RAB5B: variants seen among roughly 807,000 people sequenced by gnomAD.
RAB5B encodes RAB5B, member RAS oncogene family, also known as ras-related protein Rab-5B.
Under a neutral mutation model 28.6 loss-of-function variants are expected in RAB5B, and 11 were observed. That is an observed-to-expected ratio of 0.38 (90% CI 0.24 to 0.64). The LOEUF (loss-of-function observed/expected upper bound fraction) is 0.64, where lower values mean the gene tolerates loss of function less well. RAB5B is among the 30% of genes least tolerant of loss of function. The pLI, the probability that RAB5B is intolerant of heterozygous loss-of-function variation, is 0.53. For missense variants in RAB5B, 169 were observed against 265.6 expected, an observed-to-expected ratio of 0.64 and a Z score of 2.53; for synonymous variants, 93 against 97.9, an observed-to-expected ratio of 0.95 and a Z score of 0.29.
chr12:55,976,880 C>G (rs1889659830), intron 1 of RAB5B, among the ~76,000 whole-genome samples: 1 of 152,162 alleles, frequency 6.6e-6, no homozygotes, highest in South Asian at 2.1e-4. Flanking sequence ...CTCTGTTGTA[C>G]CCAGCCTTTG....
At chr12:55,980,855 T>G in intron 1 of RAB5B, 6 of 1,607,766 alleles carry the variant, frequency 3.7e-6, no homozygotes, top group African/African-American at 1.3e-5. Flanking sequence ...GTCCCAGACT[T>G]GTAGTTTGAT....
chr12:55,980,681 A>C, intron 1 of RAB5B: 1 of 1,590,352 alleles, frequency 6.3e-7, no homozygotes, highest in South Asian at 1.1e-5. Flanking sequence ...GTTCCCTAGC[A>C]AGAGGTGCTC....
intron 1 of RAB5B, among the ~76,000 whole-genome samples, chr12:55,977,240 A>G (rs1338013209): frequency 2.6e-5 from 4 of 151,856 alleles, no homozygotes; most frequent in Non-Finnish European, 5.9e-5. Context: ...CTCCCAAAGC[A>G]CTGGGATTAC....
intron 1 of RAB5B, among the ~76,000 whole-genome samples, chr12:55,975,342 C>G (rs1889615794): frequency 6.6e-6 from 1 of 152,088 alleles, no homozygotes; most frequent in South Asian, 2.1e-4. Flanking sequence ...GTGAGAAATT[C>G]CATTTCAAAA....
intron 1 of RAB5B, among the ~76,000 whole-genome samples, chr12:55,984,091 G>T (rs968298034): frequency 6.6e-6 from 1 of 150,774 alleles, no homozygotes; most frequent in African/African-American, 2.4e-5. Context: ...GCACGATCTC[G>T]GCTCACTGCA....
In RAB5B at chr12:55,991,408, TC is replaced by T; in HGVS notation, c.488del (p.Ser163Ter). ...DDNSLLFMET[S>X]AKTAMNVNDL... ...CAACAGCTTATTGTTCATGGAGACT[TC>T]AGCCAAGACAGCTATGAACGTGAAT... is the stretch of plus-strand genomic sequence containing the variant. On this transcript the variant is annotated frameshift_variant, in exon 5 of 6. Transcript: ENST00000360299. LOFTEE classifies it high-confidence loss of function. 1 of 1,614,144 alleles carries T rather than the reference TC, an allele frequency of 6.2e-7. No homozygotes were observed. Among genetic ancestry groups the T allele is most frequent in the Non-Finnish European group, 8.5e-7 (1 of 1,179,988 alleles).
intron 1 of RAB5B, 119 bp from the exon 2 acceptor site, chr12:55,986,750 C>G: frequency 1.7e-6 from 1 of 586,282 alleles, no homozygotes; most frequent in East Asian, 2.9e-5. Context: ...CTGCCTGGGA[C>G]CTTCTCAGAG....
intron 5 of RAB5B, chr12:55,991,800 A>G: frequency 2.4e-6 from 1 of 413,240 alleles, no homozygotes; most frequent in Non-Finnish European, 4.5e-6. Flanking sequence ...GGTGGCGCAC[A>G]CCTGTAGTCC....
Position 55,996,175 on chromosome 12 carries a change from C to T in RAB5B, c.*3963C>T, listed in dbSNP as rs941723903. 3.3e-5 allele frequency: 5 copies of T among 151,292 alleles called. No individual in the cohort carries two copies. The highest frequency in any genetic ancestry group is 1.2e-4 in the African/African-American group (5 of 41,020). The allele number at this position is 151,292 out of a possible 1,614,324, so 9.4% of individuals were successfully genotyped here. ...TATCTCTTGGTAATACCCCCCACCC[C>T]CGTTCCCTGATTCCTGGTAAAAGCT... On this transcript the variant is annotated 3_prime_UTR_variant, in exon 6 of 6. Transcript: ENST00000360299.
intron 1 of RAB5B, among the ~76,000 whole-genome samples, chr12:55,984,864 CTTA>C (rs556269424): frequency 6.6e-6 from 1 of 152,278 alleles, no homozygotes; most frequent in Non-Finnish European, 1.5e-5. Flanking sequence ...ACATCTTTCA[CTTA>C]TTATTTGTAG....
At chr12:55,984,106 C>A (rs540854370) in intron 1 of RAB5B, among the ~76,000 whole-genome samples, 4 of 152,004 alleles carry the variant, frequency 2.6e-5, no homozygotes, top group Non-Finnish European at 5.9e-5. Flanking sequence ...ACTGCAACCT[C>A]CGCCTCCCGG....
At chr12:55,980,851 G>C in intron 1 of RAB5B, 1 of 1,607,548 alleles carries the variant, frequency 6.2e-7, no homozygotes, top group Non-Finnish European at 8.5e-7. Context: ...CTGTGTCCCA[G>C]ACTTGTAGTT....
intron 5 of RAB5B, chr12:55,991,795 C>T (rs11611029): frequency 0.38 from 155,022 of 404,472 alleles, 32,770 homozygotes; most frequent in Middle Eastern, 0.48. Flanking sequence ...GGCGTGGTGG[C>T]GCACACCTGT....
intron 1 of RAB5B, among the ~76,000 whole-genome samples, chr12:55,978,791 G>C: frequency 1.5e-5 from 1 of 67,610 alleles, no homozygotes; most frequent in East Asian, 5.0e-4. Context: ...TTTTTTTTTT[G>C]AGACGGATTC....
At chr12:55,980,462 G>C (rs1028951322) in intron 1 of RAB5B, 6 of 1,592,400 alleles carry the variant, frequency 3.8e-6, no homozygotes, top group African/African-American at 1.3e-5. Flanking sequence ...TATGTCACAA[G>C]TTTTCAGGTC....
At chr12:55,985,110 G>C (rs569995890) in intron 1 of RAB5B, among the ~76,000 whole-genome samples, 172 of 152,320 alleles carry the variant, frequency 1.1e-3, no homozygotes, top group Middle Eastern at 3.4e-3. Flanking sequence ...TTTTACAGAT[G>C]AGGAAATGAA....
rs1004982631 is a variant in RAB5B at position 55,994,369 on chromosome 12, TC to T, written c.*2161del. The T allele has an allele frequency of 1.3e-5, 2 of 150,718 alleles. No homozygotes were observed. The highest frequency in any genetic ancestry group is 4.9e-5 in the African/African-American group (2 of 40,842). The allele number at this position is 150,718 out of a possible 1,614,324, so 9.3% of individuals were successfully genotyped here. On this transcript the variant is annotated 3_prime_UTR_variant, in exon 6 of 6. Transcript: ENST00000360299. The stretch of plus-strand genomic sequence containing the variant: ...ATTATCTTGGGCCTGGGAAACCACT[TC>T]CCCAGGCTTCTCCCTCCCCCCACCC...
Position 55,995,981 on chromosome 12 carries a change from A to T in RAB5B, c.*3769A>T. The T allele has an allele frequency of 9.1e-6, 1 of 109,604 alleles. No individual in the cohort carries two copies. The highest frequency in any genetic ancestry group is 1.8e-5 in the Non-Finnish European group (1 of 55,128). 6.8% of individuals were successfully genotyped at this position (109,604 alleles called of 1,614,324 possible). A position where few individuals can be genotyped will look rare whatever the true frequency, so the allele number is the denominator to read the frequency against. ...TCACTCTCTCTCTCTCCATATATAT[A>T]TACATATATATATATATATATATTT... On this transcript the variant is annotated 3_prime_UTR_variant, in exon 6 of 6. Coordinates refer to ENST00000360299, the MANE Select transcript of RAB5B (RefSeq NM_002868.4).
At position 55,987,123 on chromosome 12, in the gene RAB5B, G is replaced by T. The variant is rs1299292506; in HGVS notation, c.163G>T (p.Ala55Ser). 7 of 1,612,980 alleles carry T rather than the reference G, an allele frequency of 4.3e-6. No homozygotes were observed. Among genetic ancestry groups the T allele is most frequent in the Non-Finnish European group, 5.9e-6 (7 of 1,179,170 alleles). The stretch of plus-strand genomic sequence containing the variant: ...TGAGTACCAGGAGAGCACCATTGGA[G>T]GTGAGTGCCTTGGGGTAATAGGAGA... ...FHEYQESTIG[A>S]AFLTQSVCLD... The change falls in exon 2 of 6, where the codon GCG (alanine) becomes TCG (serine). Residue 55 changes from alanine to serine, a missense_variant and splice_region_variant. Ala to Ser is a moderately conservative substitution (Grantham distance 99). Around this residue, in one of 3 missense-constraint regions of RAB5B, gnomAD observed 43 missense variants for 85.8 expected, o/e 0.50. Coordinates refer to ENST00000360299, the MANE Select transcript of RAB5B (RefSeq NM_002868.4).
Sources: allele counts gnomAD v4.1 joint callset (sites outside exome capture counted in the v4.1 genomes callset), GRCh38; gene constraint gnomAD v4.1.1; regional missense constraint gnomAD v4.1.1; transcripts MANE v1.5; gene names NCBI Gene and HGNC (gene_info 2026-07-23, HGNC 2026-07-21).